LIN28B: variants seen among roughly 807,000 people sequenced by gnomAD.
LIN28B encodes lin-28 RNA binding posttranscriptional regulator B, also known as protein lin-28 homolog B.
LIN28B carries 5 observed loss-of-function variants against 21.9 expected under a neutral mutation model. The ratio of observed to expected loss-of-function variants is 0.23; its 90% CI spans 0.12 to 0.48. The LOEUF (loss-of-function observed/expected upper bound fraction) is 0.48. Among genes scored for constraint, LIN28B ranks in the 20% least tolerant of loss-of-function variants. The pLI is 0.98. For missense variants in LIN28B, 245 were observed against 310.5 expected (o/e 0.79, Z 1.58); for synonymous variants, 109 against 111.3 (o/e 0.98, Z 0.13).
At chr6:104,972,138 T>A (rs1769995689) in intron 2 of LIN28B, among the ~76,000 whole-genome samples, 1 of 152,110 alleles carries the variant, frequency 6.6e-6, no homozygotes, top group Non-Finnish European at 1.5e-5. Flanking sequence ...ACCTGGCTGA[T>A]TTTTGTATTT....
intron 2 of LIN28B, among the ~76,000 whole-genome samples, chr6:104,995,392 A>C (rs950644139): frequency 7.2e-5 from 11 of 152,198 alleles, no homozygotes; most frequent in African/African-American, 2.7e-4. Context: ...AGACAGAAGC[A>C]TGAGAATTAT....
At chr6:105,053,380 A>G (rs1327797213) in intron 3 of LIN28B, among the ~76,000 whole-genome samples, 7 of 108,524 alleles carry the variant, frequency 6.5e-5, no homozygotes, top group Non-Finnish European at 1.2e-4. Flanking sequence ...TCTATGTCTT[A>G]TGGTGTGTGT....
intron 2 of LIN28B, among the ~76,000 whole-genome samples, chr6:105,013,436 TA>T (rs1277013020): frequency 1.3e-5 from 2 of 152,086 alleles, no homozygotes; most frequent in Non-Finnish European, 2.9e-5. Flanking sequence ...TGCTTACTTT[TA>T]AAAATCAAGT....
At chr6:105,063,311 T>C (rs1772156500) in intron 3 of LIN28B, among the ~76,000 whole-genome samples, 2 of 152,140 alleles carry the variant, frequency 1.3e-5, no homozygotes, top group Admixed American at 6.6e-5. Flanking sequence ...CTGTGTTCAA[T>C]GTAAGGTTAA....
At chr6:104,976,071 A>G (rs532533034) in intron 2 of LIN28B, among the ~76,000 whole-genome samples, 17 of 152,262 alleles carry the variant, frequency 1.1e-4, no homozygotes, top group African/African-American at 3.9e-4. Context: ...ACCCCAGGGT[A>G]GTGCTCTTAA....
chr6:105,061,198 T>G (rs1455118012), intron 3 of LIN28B, among the ~76,000 whole-genome samples: 1 of 152,160 alleles, frequency 6.6e-6, no homozygotes, highest in East Asian at 1.9e-4. Context: ...TACCCTGCAA[T>G]TTGATTTTTA....
intron 2 of LIN28B, among the ~76,000 whole-genome samples, chr6:104,970,336 T>C (rs953816763): frequency 6.6e-6 from 1 of 152,194 alleles, no homozygotes; most frequent in African/African-American, 2.4e-5. Flanking sequence ...ATACCAAGCT[T>C]TTGTTTCTTC....
intron 2 of LIN28B, among the ~76,000 whole-genome samples, chr6:104,960,512 G>A (rs888579082): frequency 6.6e-6 from 1 of 151,852 alleles, no homozygotes; most frequent in Non-Finnish European, 1.5e-5. Context: ...TAGGTGATTA[G>A]GAATTTTAAA....
chr6:104,967,824 G>A (rs1389453335), intron 2 of LIN28B, among the ~76,000 whole-genome samples: 1 of 151,880 alleles, frequency 6.6e-6, no homozygotes, highest in Non-Finnish European at 1.5e-5. Context: ...GACTACAGGC[G>A]TGCACCACCA....
chr6:105,011,490 C>T (rs992436235), intron 2 of LIN28B, among the ~76,000 whole-genome samples: 9 of 152,262 alleles, frequency 5.9e-5, no homozygotes, highest in South Asian at 2.1e-4. Context: ...GTGCCTGCCC[C>T]GCAGTGTTCC....
intron 3 of LIN28B, among the ~76,000 whole-genome samples, chr6:105,067,223 T>C (rs571090064): frequency 3.3e-4 from 50 of 152,336 alleles, no homozygotes; most frequent in African/African-American, 1.2e-3. Context: ...CCTTTCATAA[T>C]TGATAGTAGT....
At chr6:105,040,357 T>G (rs1458285694) in intron 3 of LIN28B, among the ~76,000 whole-genome samples, 1 of 152,106 alleles carries the variant, frequency 6.6e-6, no homozygotes, top group Non-Finnish European at 1.5e-5. Context: ...CATGAATTAG[T>G]GAGTTTTCTG....
chr6:104,961,695 C>T (rs896662419), intron 2 of LIN28B, among the ~76,000 whole-genome samples: 11 of 152,048 alleles, frequency 7.2e-5, no homozygotes, highest in African/African-American at 2.4e-4. Context: ...CCACCGCGCC[C>T]GGCTTTAAGT....
chr6:104,971,642 A>C (rs1769987001), intron 2 of LIN28B, among the ~76,000 whole-genome samples: 1 of 152,210 alleles, frequency 6.6e-6, no homozygotes, highest in African/African-American at 2.4e-5. Flanking sequence ...TATGAAGTCT[A>C]ATTAATGTAT....
At chr6:104,957,361 T>C in intron 1 of LIN28B, 101 bp downstream of exon 1, 1 of 589,240 alleles carries the variant, frequency 1.7e-6, no homozygotes, top group East Asian at 4.1e-5. Context: ...CCTTCCCCTT[T>C]TACCCCAATA....
At chr6:104,982,671 A>G (rs952851580) in intron 2 of LIN28B, among the ~76,000 whole-genome samples, 2 of 152,188 alleles carry the variant, frequency 1.3e-5, no homozygotes, top group African/African-American at 4.8e-5. Context: ...TTGCATGGAG[A>G]CAAGTACTGG....
chr6:104,977,618 A>G (rs1770127125), intron 2 of LIN28B, among the ~76,000 whole-genome samples: 1 of 151,952 alleles, frequency 6.6e-6, no homozygotes, highest in Non-Finnish European at 1.5e-5. Context: ...GCCAGGCTGG[A>G]GTGCAATAGT....
At chr6:105,078,367 A>G in intron 3 of LIN28B, 47 bp from the exon 4 acceptor site, 1 of 1,530,740 alleles carries the variant, frequency 6.5e-7, no homozygotes, top group Non-Finnish European at 8.8e-7. Flanking sequence ...GTGTTTTTGG[A>G]TACATGCTGC....
chr6:105,040,912 A>AT (rs1771619697), intron 3 of LIN28B, among the ~76,000 whole-genome samples: 3 of 151,482 alleles, frequency 2.0e-5, no homozygotes, highest in Non-Finnish European at 4.4e-5. Flanking sequence ...TATTTCTTTT[A>AT]TTTTTTTATT....
Sources: allele counts gnomAD v4.1 joint callset (sites outside exome capture counted in the v4.1 genomes callset), GRCh38; gene constraint gnomAD v4.1.1; transcripts MANE v1.5; gene names NCBI Gene and HGNC (gene_info 2026-07-23, HGNC 2026-07-21).